The following SCN4A variants were observed in gnomAD, a reference collection of about 807,000 sequenced individuals.
SCN4A encodes the protein sodium voltage-gated channel alpha subunit 4.
Under a neutral mutation model 162.0 loss-of-function variants are expected in SCN4A, and 83 were observed. The observed-to-expected ratio is 0.51, with a 90% CI of 0.43 to 0.61. SCN4A has a LOEUF of 0.61. Ranked by LOEUF, SCN4A falls within the 20% of genes least tolerant of loss-of-function variation. SCN4A has a pLI of 0.00. For missense variants in SCN4A, 2,196 were observed against 2,462.5 expected (o/e 0.89, Z 2.29); for synonymous variants, 944 against 985.1 (o/e 0.96, Z 0.78).
chr17:63,957,579 A>G, intron 12 of SCN4A, 61 bp from the exon 13 acceptor site: 1 of 1,147,844 alleles, frequency 8.7e-7, no homozygotes, highest in Non-Finnish European at 1.3e-6. Context: ...AGGCAGCCCC[A>G]GCCTTAGGAG....
rs550252091 is a variant in SCN4A, at chr17:63,938,579, G to A, written c.*2192C>T. The A allele has an allele frequency of 3.9e-5, 6 of 152,752 alleles. No individual in the cohort carries two copies. Among genetic ancestry groups the A allele is most frequent in the African/African-American group, 1.2e-4 (5 of 41,594 alleles). The allele number at this position is 152,752 out of a possible 1,614,324, so 9.5% of individuals were successfully genotyped here. ...CCAGAGGCACCAAGGAGGGTTTATT[G>A]TAAGAACTGTACAAAGGAGCCCGCC... On this transcript the variant is annotated 3_prime_UTR_variant, in exon 24 of 24. Coordinates refer to ENST00000435607, the MANE Select transcript of SCN4A (RefSeq NM_000334.4).
At chr17:63,966,658 G>T in intron 6 of SCN4A, 114 bp from the exon 7 acceptor site, 1 of 748,668 alleles carries the variant, frequency 1.3e-6, no homozygotes, top group Non-Finnish European at 2.3e-6. Context: ...AAACCAAACG[G>T]ATGTTCCCTG....
chr17:63,946,356 C>T (rs945863347), intron 18 of SCN4A, among the ~76,000 whole-genome samples: 5 of 151,972 alleles, frequency 3.3e-5, no homozygotes, highest in African/African-American at 9.7e-5. Flanking sequence ...AGGAAGGGGC[C>T]GCTTGGGGGG....
At chr17:63,969,654 T>G (rs960783849) in intron 5 of SCN4A, among the ~76,000 whole-genome samples, 1 of 152,044 alleles carries the variant, frequency 6.6e-6, no homozygotes, top group Non-Finnish European at 1.5e-5. Context: ...TTCTTTTCTT[T>G]TTTTTTTGAG....
rs764088288 is a variant in SCN4A, at chr17:63,944,972, C to T, written c.3774+35G>A. On this transcript the variant is annotated intron_variant, in intron 20 of 23. Coordinates refer to ENST00000435607, the MANE Select transcript of SCN4A (RefSeq NM_000334.4). This position sits in a 1 kb window ranked among gnomAD's most constrained non-coding sequence, Gnocchi z 4.3. Reference sequence around the variant, plus strand: ...CTGTCTTGAGTCCTCTTCCCTGGCTCGCTCACCAGCCACATCTCAGCGACC... The same window carrying T: ...CTGTCTTGAGTCCTCTTCCCTGGCTTGCTCACCAGCCACATCTCAGCGACC... 2.8e-5 allele frequency: 45 copies of T among 1,607,418 alleles called. No homozygotes were observed. Among genetic ancestry groups the T allele is most frequent in the East Asian group, 4.5e-5 (2 of 44,812 alleles).
At chr17:63,943,334 A>G (rs972072859) in intron 22 of SCN4A, among the ~76,000 whole-genome samples, 24 of 56,040 alleles carry the variant, frequency 4.3e-4, no homozygotes, top group African/African-American at 2.4e-3. Context: ...TATGGGGTTC[A>G]TGGTCCTCCC....
At chr17:63,968,387 G>A in intron 5 of SCN4A, 32 bp from the exon 6 acceptor site, 1 of 1,552,572 alleles carries the variant, frequency 6.4e-7, no homozygotes, top group Non-Finnish European at 8.8e-7. Flanking sequence ...ATATTGGCAG[G>A]GGGCAGGGCA....
intron 7 of SCN4A, 100 bp from the exon 8 acceptor site, chr17:63,966,343 TC>T: frequency 7.0e-7 from 1 of 1,432,032 alleles, no homozygotes; most frequent in Non-Finnish European, 9.7e-7. Context: ...TCTGCCTGTG[TC>T]CCCCAAACAG....
intron 15 of SCN4A, among the ~76,000 whole-genome samples, 195 bp from the exon 16 acceptor site, chr17:63,948,960 T>A (rs1048119057): frequency 6.6e-6 from 1 of 152,102 alleles, no homozygotes; most frequent in African/African-American, 2.4e-5. Context: ...CACAGCTGGA[T>A]CCAACATGCG....
chr17:63,951,721 C>T lies in SCN4A; in HGVS notation c.2556G>A (p.Lys852=), dbSNP rs1425208900. 2.5e-6 allele frequency: 4 copies of T among 1,594,072 alleles called. No homozygotes were observed. The highest frequency in any genetic ancestry group is 3.4e-6 in the Non-Finnish European group (4 of 1,170,128). ...GLLHGKILSP[K]DIMLSLGEAD... is the part of the protein sequence containing the mutation. ...CCTCCCCGAGGCTGAGCATGATGTC[C>T]TTGGGGCTCAGGATCTTGCCATGCA... Residue 852 remains lysine, a synonymous_variant, in exon 14 of 24, where the codon AAG becomes AAA. Transcript: ENST00000435607. The surrounding 1 kb of genome is among the most constrained non-coding windows in gnomAD (Gnocchi z 4.5).
At chr17:63,966,267 G>A in intron 7 of SCN4A, 24 bp from the exon 8 acceptor site, 1 of 1,588,606 alleles carries the variant, frequency 6.3e-7, no homozygotes, top group Non-Finnish European at 8.6e-7. Flanking sequence ...AGGGGGCTGG[G>A]TTTAGGGTGG....
At chr17:63,943,203 CAGAGATG>C (rs1908601812) in intron 22 of SCN4A, 107 bp from the exon 23 acceptor site, 6 of 961,120 alleles carry the variant, frequency 6.2e-6, no homozygotes, top group Non-Finnish European at 9.4e-6. Context: ...ACAGAGATGA[CAGAGATG>C]ACAGAGAGAG....
rs372634288 is a variant in SCN4A, at chr17:63,957,276, G to A, written c.2262C>T (p.Val754=). Residue 754 remains valine, a synonymous_variant, in exon 13 of 24, where the codon GTC becomes GTT. Transcript: ENST00000435607. ...TCCACTCCCCGCACAGGATGCGGAAGACGATGAGGAAGGAGTGGAAGAAAT... is the reference window on the plus strand; with the variant it reads ...TCCACTCCCCGCACAGGATGCGGAAAACGATGAGGAAGGAGTGGAAGAAAT... ...MHDFFHSFLI[V]FRILCGEWIE... 11 of 1,614,042 alleles carry A rather than the reference G, an allele frequency of 6.8e-6. No individual in the cohort carries two copies. In the Admixed American group the frequency reaches 1.5e-4, roughly 22 times the overall value.
At chr17:63,946,107 A>C (rs149234288) in intron 18 of SCN4A, among the ~76,000 whole-genome samples, 25 of 152,276 alleles carry the variant, frequency 1.6e-4, no homozygotes, top group African/African-American at 5.5e-4. Flanking sequence ...CCCTAGTCAC[A>C]CAGCCCACCT....
chr17:63,961,800 A>C, intron 10 of SCN4A: 1 of 229,444 alleles, frequency 4.4e-6, no homozygotes, highest in Non-Finnish European at 8.3e-6. Context: ...CACTCACCGC[A>C]TCACCCTCCG....
Position 63,971,732 on chromosome 17 carries a change from T to C in SCN4A, c.601A>G (p.Ile201Val). 3 of 1,600,378 alleles carry C rather than the reference T, an allele frequency of 1.9e-6. No homozygotes were observed. The highest frequency in any genetic ancestry group is 2.6e-6 in the Non-Finnish European group (3 of 1,173,630). ...DPWNWLDFSV[I>V]MMAYLTEFVD... Reference sequence around the variant, plus strand: ...GGGGCCCCTGCTCACGCCATCATGATGACACTGAAGTCCAGCCAGTTCCAG... The same window carrying C: ...GGGGCCCCTGCTCACGCCATCATGACGACACTGAAGTCCAGCCAGTTCCAG... The change falls in exon 4 of 24, where the codon ATC (isoleucine) becomes GTC (valine). Residue 201 changes from isoleucine to valine, a missense_variant. Ile to Val is a conservative substitution (Grantham distance 29). Coordinates refer to ENST00000435607, the MANE Select transcript of SCN4A (RefSeq NM_000334.4).
chr17:63,967,003 C>T (rs1252423580), intron 6 of SCN4A, among the ~76,000 whole-genome samples: 1 of 152,084 alleles, frequency 6.6e-6, no homozygotes, highest in Non-Finnish European at 1.5e-5. Context: ...TGTGAAGATG[C>T]ATATGTGAAT....
Position 63,963,739 on chromosome 17 carries a change from C to T in SCN4A, c.1539G>A (p.Ser513=), listed in dbSNP as rs758833537. ...GKDCNGSLDT[S]QGEKGAPRQS... ...GCCTCGGGGCTCCCTTCTCCCCTTG[C>T]GATGTGTCCAGGCTGCCATTGCAGT... The change falls in exon 10 of 24, where the codon TCG becomes TCA. Residue 513 remains serine, a synonymous_variant. Coordinates refer to ENST00000435607, the MANE Select transcript of SCN4A (RefSeq NM_000334.4). The T allele has an allele frequency of 2.3e-5, 37 of 1,608,186 alleles. 2 individuals carry two copies. The highest frequency in any genetic ancestry group is 2.2e-4 in the South Asian group (20 of 90,122).
intron 13 of SCN4A, 125 bp from the exon 14 acceptor site, chr17:63,952,025 C>T (rs890348421): frequency 2.1e-5 from 13 of 619,638 alleles, no homozygotes; most frequent in East Asian, 5.5e-5. Context: ...TTTAAAAGAA[C>T]GCCACCTAAG....
Sources: gnomAD v4.1 joint callset for allele counts (sites outside exome capture counted in the v4.1 genomes callset) on GRCh38, gnomAD v4.1.1 for gene constraint, Gnocchi (gnomAD v3.1) non-coding constraint, MANE v1.5 for transcripts, NCBI Gene and HGNC (gene_info 2026-07-23, HGNC 2026-07-21) for gene names.